The following DOCK10 variants were observed in gnomAD, a reference collection of about 807,000 sequenced individuals.
The protein encoded by DOCK10 is dedicator of cytokinesis protein 10.
In DOCK10, 145 loss-of-function variants were observed where a neutral mutation model predicts 280.1. The ratio of observed to expected loss-of-function variants is 0.52; its 90% CI spans 0.45 to 0.59. The LOEUF (loss-of-function observed/expected upper bound fraction) is 0.59. Ranked by LOEUF, DOCK10 falls within the 20% of genes least tolerant of loss-of-function variation. DOCK10 has a pLI of 0.00. For missense variants in DOCK10, 2,368 were observed against 2,651.7 expected (o/e 0.89, Z 2.35); for synonymous variants, 915 against 942.2 (o/e 0.97, Z 0.53).
Position 224,963,007 on chromosome 2 carries a change from GT to G in DOCK10, c.124-31340del, listed in dbSNP as rs1006202371. ...TTTTGTATATAAACCCTGGTTACTA[GT>G]TTTTTTTGAAAAATTCGAGATCTGA... On this transcript the variant is annotated intron_variant, in intron 1 of 55. Transcript: ENST00000258390. Among the ~76,000 whole-genome samples, 537 of 152,020 alleles carry G rather than the reference GT, an allele frequency of 3.5e-3. 6 individuals carry two copies. Among genetic ancestry groups the G allele is most frequent in the Non-Finnish European group, 6.8e-4 (46 of 67,964 alleles).
chr2:224,902,037 A>T (rs1700328980), intron 3 of DOCK10, among the ~76,000 whole-genome samples: 1 of 152,220 alleles, frequency 6.6e-6, no homozygotes, highest in Non-Finnish European at 1.5e-5. Context: ...GAAAGTTCTA[A>T]AAATCTAAAT....
chr2:224,948,168 C>T (rs1337834937), intron 1 of DOCK10, among the ~76,000 whole-genome samples: 1 of 152,228 alleles, frequency 6.6e-6, no homozygotes, highest in Non-Finnish European at 1.5e-5. Context: ...ACATGTACCC[C>T]AGGCCTGAGC....
intron 1 of DOCK10, among the ~76,000 whole-genome samples, chr2:225,024,927 A>T (rs938824500): frequency 1.3e-5 from 2 of 152,120 alleles, no homozygotes; most frequent in Non-Finnish European, 2.9e-5. Flanking sequence ...AATCAAAAAA[A>T]CATTTTGATT....
intron 25 of DOCK10, among the ~76,000 whole-genome samples, chr2:224,835,286 CAGTT>C (rs1481787601): frequency 6.6e-6 from 1 of 152,220 alleles, no homozygotes; most frequent in Non-Finnish European, 1.5e-5. Context: ...ATGCCATGCA[CAGTT>C]ATTTAGCCTG....
At chr2:224,899,815 A>T (rs1253496632) in intron 3 of DOCK10, among the ~76,000 whole-genome samples, 2 of 152,218 alleles carry the variant, frequency 1.3e-5, no homozygotes, top group Non-Finnish European at 2.9e-5. Flanking sequence ...GGATTCTTTG[A>T]TAAAAATAGA....
At chr2:224,845,705 A>T in intron 19 of DOCK10, 63 bp from the exon 20 acceptor site, 1 of 1,469,288 alleles carries the variant, frequency 6.8e-7, no homozygotes, top group Non-Finnish European at 9.3e-7. Flanking sequence ...TCAGAGCAAG[A>T]CAAAGCATAG....
chr2:224,953,686 G>T (rs1703885896), intron 1 of DOCK10, among the ~76,000 whole-genome samples: 2 of 152,192 alleles, frequency 1.3e-5, no homozygotes, highest in Non-Finnish European at 2.9e-5. Flanking sequence ...TGAAATATAG[G>T]TTGGGGCAAA....
chr2:224,877,058 C>T (rs1457663844), intron 7 of DOCK10, among the ~76,000 whole-genome samples: 1 of 152,158 alleles, frequency 6.6e-6, no homozygotes, highest in Non-Finnish European at 1.5e-5. Context: ...TTATTGCTGC[C>T]ACAAGGAAGG....
intron 13 of DOCK10, among the ~76,000 whole-genome samples, chr2:224,863,945 A>C (rs951923513): frequency 5.3e-5 from 8 of 152,174 alleles, no homozygotes; most frequent in African/African-American, 1.9e-4. Flanking sequence ...AGCATTGCTG[A>C]TGTCTCATTC....
chr2:224,849,491 G>C lies in DOCK10; in HGVS notation c.2235+16C>G. ...TTCTTAGGAACCGCTGGGGGCAGTG[G>C]AGGGCTAGCTCTTACCTCATCTGAG... is the stretch of plus-strand genomic sequence containing the variant. On this transcript the variant is annotated intron_variant, in intron 19 of 55. Coordinates refer to ENST00000258390, the MANE Select transcript of DOCK10 (RefSeq NM_014689.3). 6.3e-7 allele frequency: 1 copy of C among 1,589,252 alleles called. No homozygotes were observed. Among genetic ancestry groups the C allele is most frequent in the Admixed American group, 1.7e-5 (1 of 58,410 alleles).
At chr2:224,806,638 A>G (rs1025409845) in intron 33 of DOCK10, among the ~76,000 whole-genome samples, 2 of 152,112 alleles carry the variant, frequency 1.3e-5, no homozygotes, top group African/African-American at 2.4e-5. Context: ...GCAGCGTCTT[A>G]CTGTTACCCA....
At position 224,990,230 on chromosome 2, in the gene DOCK10, C is replaced by T. The variant is rs372728323; in HGVS notation, c.123+52022G>A. Among the ~76,000 whole-genome samples, 44 of 152,326 alleles carry T rather than the reference C, an allele frequency of 2.9e-4. 1 individual carries two copies. In the South Asian group the frequency reaches 8.9e-3, roughly 31 times the overall value. ...GATAATTTAAATGTTCCATTAATAA[C>T]TTACCTTTCTCAGGCATCTATGTTT... On this transcript the variant is annotated intron_variant, in intron 1 of 55. Transcript: ENST00000258390.
intron 1 of DOCK10, among the ~76,000 whole-genome samples, chr2:224,972,779 TGGTTAATTTCAGTTGTATTAAA>T (rs1373844181): frequency 6.6e-6 from 1 of 152,238 alleles, no homozygotes; most frequent in East Asian, 1.9e-4. Context: ...TGAAATTAAA[TGGTTAATTTCAGTTGTATTAAA>T]GGCTGCAACA....
intron 26 of DOCK10, 111 bp from the exon 27 acceptor site, chr2:224,830,723 T>C (rs946902766): frequency 3.7e-4 from 191 of 516,732 alleles, no homozygotes; most frequent in Non-Finnish European, 5.6e-4. Flanking sequence ...AATGTATTCT[T>C]TGAAACTAAA....
chr2:224,979,079 C>A (rs2126242735), intron 1 of DOCK10, among the ~76,000 whole-genome samples: 1 of 152,304 alleles, frequency 6.6e-6, no homozygotes, highest in South Asian at 2.1e-4. Context: ...ATCATTGCAA[C>A]CGCTTCCTAA....
Position 224,778,153 on chromosome 2 carries a change from G to T in DOCK10, c.5787C>A (p.Ile1929=). The T allele has an allele frequency of 6.2e-7, 1 of 1,613,256 alleles. No homozygotes were observed. The highest frequency in any genetic ancestry group is 1.1e-5 in the South Asian group (1 of 90,944). ...TTTCCTCTACCTTGTTGGAATCCTG[G>T]ATTATCTTCACATTGTCTGCTCCAA... ...DKFGADNVKI[I]QDSNKVNPKD... The change falls in exon 51 of 56, where the codon ATC becomes ATA. Residue 1929 remains isoleucine, a synonymous_variant. Coordinates refer to ENST00000258390, the MANE Select transcript of DOCK10 (RefSeq NM_014689.3).
chr2:224,953,705 C>T (rs1190618235), intron 1 of DOCK10, among the ~76,000 whole-genome samples: 8 of 152,124 alleles, frequency 5.3e-5, no homozygotes, highest in Non-Finnish European at 1.2e-4. Flanking sequence ...AAGGTAACTG[C>T]GGTTTTTGCG....
chr2:224,946,494 AG>A, intron 1 of DOCK10, among the ~76,000 whole-genome samples: 1 of 152,198 alleles, frequency 6.6e-6, no homozygotes, highest in Non-Finnish European at 1.5e-5. Flanking sequence ...TCATCAACTG[AG>A]TCCTTAGGCA....
At chr2:224,806,297 A>G (rs2125219023) in intron 33 of DOCK10, 60 bp from the exon 34 acceptor site, 1 of 922,592 alleles carries the variant, frequency 1.1e-6, no homozygotes, top group East Asian at 2.6e-5. Context: ...TTGTTAACCC[A>G]CATATGCCTT....
Sources: gnomAD v4.1 joint callset for allele counts (sites outside exome capture counted in the v4.1 genomes callset) on GRCh38, gnomAD v4.1.1 for gene constraint, MANE v1.5 for transcripts, NCBI Gene and HGNC (gene_info 2026-07-23, HGNC 2026-07-21) for gene names.